AGTPBP1: variants seen among roughly 807,000 people sequenced by gnomAD.
AGTPBP1 encodes the protein ATP/GTP binding carboxypeptidase 1.
AGTPBP1 carries 70 observed loss-of-function variants against 143.9 expected under a neutral mutation model. The ratio of observed to expected loss-of-function variants is 0.49; its 90% CI spans 0.40 to 0.59. AGTPBP1 has a LOEUF of 0.59. Ranked by LOEUF, AGTPBP1 falls within the 20% of genes least tolerant of loss-of-function variation. The probability of loss-of-function intolerance (pLI) is 0.00; values close to 1 mark genes in which losing one functional copy is unlikely to be tolerated. For synonymous variants in AGTPBP1, 463 were observed against 500.2 expected (o/e 0.93, Z 0.99); for missense variants, 1,229 against 1,464.5 (o/e 0.84, Z 2.62).
rs117949647 is a variant in AGTPBP1 at position 85,581,083 on chromosome 9, T to C, written c.3166-1987A>G. 1.4e-3 allele frequency among the ~76,000 whole-genome samples: 217 copies of C among 152,356 alleles called. 2 individuals are homozygous for C. The East Asian group carries it at 0.03, about 21-fold the overall frequency. On this transcript the variant is annotated intron_variant, in intron 23 of 25. Coordinates refer to ENST00000357081, the MANE Select transcript of AGTPBP1 (RefSeq NM_001330701.2). Reference sequence around the variant, plus strand: ...ATCTGGAGTGTTTCCCCATTTTTTATATAATTCTAACCATTTTATTTATTT... The same window carrying C: ...ATCTGGAGTGTTTCCCCATTTTTTACATAATTCTAACCATTTTATTTATTT...
At chr9:85,637,040 G>GTTT (rs36101581) in intron 13 of AGTPBP1, among the ~76,000 whole-genome samples, 16 of 126,470 alleles carry the variant, frequency 1.3e-4, no homozygotes, top group Non-Finnish European at 1.2e-4. Context: ...TCCCCAAAAA[G>GTTT]TTTTTTTTTT....
chr9:85,612,365 A>C (rs1381573572), intron 17 of AGTPBP1, among the ~76,000 whole-genome samples: 1 of 152,184 alleles, frequency 6.6e-6, no homozygotes, highest in Admixed American at 6.5e-5. Flanking sequence ...AATCTCCAAA[A>C]CACGGGATTC....
At chr9:85,644,777 T>G (rs1347395207) in intron 12 of AGTPBP1, among the ~76,000 whole-genome samples, 1 of 151,822 alleles carries the variant, frequency 6.6e-6, no homozygotes, top group Non-Finnish European at 1.5e-5. Flanking sequence ...GTTATAACCA[T>G]AAGAGAACAC....
chr9:85,688,096 TAA>T (rs58523894), intron 3 of AGTPBP1, among the ~76,000 whole-genome samples: 990 of 34,684 alleles, frequency 0.029, 2 homozygotes, highest in Middle Eastern at 0.23. Context: ...GTCTCAAAAT[TAA>T]AAAAAAAAAA....
chr9:85,686,980 T>C (rs1054399217), intron 3 of AGTPBP1, among the ~76,000 whole-genome samples: 1 of 152,182 alleles, frequency 6.6e-6, no homozygotes, highest in Admixed American at 6.5e-5. Flanking sequence ...CAATATGTTA[T>C]CTTCAAGAAA....
chr9:85,663,582 A>G (rs1833962513), intron 8 of AGTPBP1, among the ~76,000 whole-genome samples: 1 of 152,014 alleles, frequency 6.6e-6, no homozygotes, highest in South Asian at 2.1e-4. Flanking sequence ...ATCAAGCATG[A>G]AAAAAGCAAG....
chr9:85,772,323 C>T, the AGTPBP1 span, among the ~76,000 whole-genome samples: 1 of 152,152 alleles, frequency 6.6e-6, no homozygotes, highest in Non-Finnish European at 1.5e-5. Flanking sequence ...AGTGGATTTT[C>T]TGATCCTGGG....
rs141976857 is a variant in AGTPBP1 at position 85,581,289 on chromosome 9, C to T, written c.3166-2193G>A. Among the ~76,000 whole-genome samples, 1,004 of 152,278 alleles carry T rather than the reference C, an allele frequency of 6.6e-3. 9 individuals are homozygous for T. The highest frequency in any genetic ancestry group is 0.023 in the African/African-American group (939 of 41,550). On this transcript the variant is annotated intron_variant, in intron 23 of 25. Coordinates refer to ENST00000357081, the MANE Select transcript of AGTPBP1 (RefSeq NM_001330701.2). ...AAAGCACGCAGGACTTAAAGCAACACAGCTCATTTCAGTCCTAGGCACACC... is the reference window on the plus strand; with the variant it reads ...AAAGCACGCAGGACTTAAAGCAACATAGCTCATTTCAGTCCTAGGCACACC...
Position 85,677,491 on chromosome 9 carries a change from T to C in AGTPBP1, c.381A>G (p.Pro127=). Residue 127 remains proline (P), a synonymous_variant, in exon 6 of 26, where the codon CCA becomes CCG. Coordinates refer to ENST00000357081, the MANE Select transcript of AGTPBP1 (RefSeq NM_001330701.2). ...LLMNASKESP[P]HEDLMVQIHS... is the part of the protein sequence containing the mutation. ...GAATCTGTACCATTAAGTCCTCATGTGGGGGAGATTCTTTGCTGGCATTCA... is the reference window on the plus strand; with the variant it reads ...GAATCTGTACCATTAAGTCCTCATGCGGGGGAGATTCTTTGCTGGCATTCA... 1 of 1,605,504 alleles carries C rather than the reference T, an allele frequency of 6.2e-7. No homozygotes were observed. The highest frequency in any genetic ancestry group is 8.5e-7 in the Non-Finnish European group (1 of 1,175,944).
At chr9:85,584,717 A>G (rs906392478) in intron 23 of AGTPBP1, among the ~76,000 whole-genome samples, 1 of 152,184 alleles carries the variant, frequency 6.6e-6, no homozygotes, top group African/African-American at 2.4e-5. Flanking sequence ...TCAATGATCA[A>G]CTGGGGGCAG....
rs775928185 is a variant in AGTPBP1 at position 85,550,265 on chromosome 9, CAG to C, written c.3504-2981_3504-2980del. Among the ~76,000 whole-genome samples the C allele has an allele frequency of 5.3e-5, 8 of 151,830 alleles. No homozygotes were observed. In the South Asian group the frequency reaches 1.5e-3, roughly 28 times the overall value. ...GGAGCTAGGGGAATAAATACTGAGA[CAG>C]GGGAAAGAGAAAAACAGAAGATTAC... On this transcript the variant is annotated intron_variant, in intron 25 of 25. Transcript: ENST00000357081.
intron 1 of AGTPBP1, among the ~76,000 whole-genome samples, chr9:85,734,089 T>G (rs1839067694): frequency 6.6e-6 from 1 of 152,002 alleles, no homozygotes; most frequent in Admixed American, 6.6e-5. Flanking sequence ...CTGTCTCTAC[T>G]AAAAATACAA....
At chr9:85,798,485 G>A in the AGTPBP1 span, among the ~76,000 whole-genome samples, 28 of 151,300 alleles carry the variant, frequency 1.9e-4, no homozygotes, top group African/African-American at 6.8e-4. Flanking sequence ...CTCGGCTTCA[G>A]CCTCCCAAGT....
chr9:85,578,494 T>C (rs1212335219), intron 24 of AGTPBP1, among the ~76,000 whole-genome samples: 3 of 152,064 alleles, frequency 2.0e-5, no homozygotes, highest in South Asian at 2.1e-4. Context: ...TAGCTACACA[T>C]ACAAAAACCT....
At chr9:85,655,550 C>A (rs1833444079) in intron 10 of AGTPBP1, among the ~76,000 whole-genome samples, 1 of 152,010 alleles carries the variant, frequency 6.6e-6, no homozygotes, top group South Asian at 2.1e-4. Flanking sequence ...TAAATATTTT[C>A]ACTAAGCAGA....
At chr9:85,729,545 T>C (rs1404614672) in intron 1 of AGTPBP1, among the ~76,000 whole-genome samples, 1 of 152,120 alleles carries the variant, frequency 6.6e-6, no homozygotes, top group Admixed American at 6.5e-5. Context: ...TAAAAAGTTC[T>C]GCACACCAAA....
chr9:85,643,170 TATAAC>T (rs1358609714), intron 12 of AGTPBP1, among the ~76,000 whole-genome samples: 2 of 152,180 alleles, frequency 1.3e-5, no homozygotes, highest in African/African-American at 2.4e-5. Context: ...GTTACTCTAA[TATAAC>T]AGAGTATTCT....
At position 85,739,514 on chromosome 9, in the gene AGTPBP1, G is replaced by A. The variant is rs142728762; in HGVS notation, c.-34+2261C>T. ...ACCTGAGGTCAGGAGTTCAAGACGA[G>A]CTTGGGTAACATGGTGAAACCCCGT... On this transcript the variant is annotated intron_variant, in intron 1 of 25. Coordinates refer to ENST00000357081, the MANE Select transcript of AGTPBP1 (RefSeq NM_001330701.2). Among the ~76,000 whole-genome samples, 382 of 152,008 alleles carry A rather than the reference G, an allele frequency of 2.5e-3. 2 individuals are homozygous for A. The highest frequency in any genetic ancestry group is 2.1e-3 in the Non-Finnish European group (144 of 67,964).
intron 3 of AGTPBP1, among the ~76,000 whole-genome samples, chr9:85,689,072 G>A (rs1357981884): frequency 1.3e-5 from 2 of 152,134 alleles, no homozygotes; most frequent in Non-Finnish European, 2.9e-5. Flanking sequence ...CTTGCTGTAT[G>A]TAATATACTA....
Sources: allele counts gnomAD v4.1 joint callset (sites outside exome capture counted in the v4.1 genomes callset), GRCh38; gene constraint gnomAD v4.1.1; transcripts MANE v1.5; gene names NCBI Gene and HGNC (gene_info 2026-07-23, HGNC 2026-07-21).